The following GFOD1 variants were observed in gnomAD, a reference collection of about 807,000 sequenced individuals.
GFOD1 encodes the protein Gfo/Idh/MocA-like oxidoreductase domain containing 1, also known as glucose-fructose oxidoreductase domain-containing protein 1.
In GFOD1, 9 loss-of-function variants were observed where a neutral mutation model predicts 25.4. The ratio of observed to expected loss-of-function variants is 0.35; its 90% CI spans 0.21 to 0.62. The LOEUF is 0.62. Ranked by LOEUF, GFOD1 falls within the 20% of genes least tolerant of loss-of-function variation. GFOD1 has a pLI of 0.72. For missense variants in GFOD1, 403 were observed against 556.9 expected, an observed-to-expected ratio of 0.72 and a Z score of 2.78; for synonymous variants, 253 against 245.6, an observed-to-expected ratio of 1.03 and a Z score of -0.28.
chr6:13,452,353 C>T (rs1032516289), intron 1 of GFOD1, among the ~76,000 whole-genome samples: 1 of 151,526 alleles, frequency 6.6e-6, no homozygotes, highest in African/African-American at 2.4e-5. Flanking sequence ...TTCTTAGGAA[C>T]CACACACTTG....
In GFOD1 at chr6:13,405,435, G is replaced by C. The variant is rs376397096; in HGVS notation, c.254-39773C>G. ...CAGTATAAACATTTCTCTTTCAAAC[G>C]AAGTATTTGAAACCCAGTGTATGTT... On this transcript the variant is annotated intron_variant, in intron 1 of 1. Coordinates refer to ENST00000379287, the MANE Select transcript of GFOD1 (RefSeq NM_018988.4). Among the ~76,000 whole-genome samples the C allele has an allele frequency of 2.0e-5, 3 of 152,136 alleles. No individual in the cohort carries two copies. The South Asian group carries it at 6.2e-4, about 31-fold the overall frequency.
intron 1 of GFOD1, among the ~76,000 whole-genome samples, chr6:13,459,296 C>CT (rs1758249136): frequency 6.8e-6 from 1 of 146,036 alleles, no homozygotes; most frequent in Non-Finnish European, 1.5e-5. Flanking sequence ...GGAAAACTGG[C>CT]TAGCCATATG....
At chr6:13,435,562 G>C (rs4715292) in intron 1 of GFOD1, among the ~76,000 whole-genome samples, 151,913 of 152,342 alleles carry the variant, frequency 1, 75,744 homozygotes, top group Middle Eastern at 1. Context: ...AGTAAGACCC[G>C]CAGTACATCC....
At chr6:13,371,953 T>C (rs2127556053) in intron 1 of GFOD1, among the ~76,000 whole-genome samples, 1 of 152,338 alleles carries the variant, frequency 6.6e-6, no homozygotes, top group East Asian at 1.9e-4. Flanking sequence ...ACACGAGGAC[T>C]GGCCTGAGTC....
chr6:13,406,041 A>G (rs1026669601), intron 1 of GFOD1, among the ~76,000 whole-genome samples: 7 of 152,184 alleles, frequency 4.6e-5, no homozygotes, highest in Admixed American at 2.6e-4. Flanking sequence ...TCTAAAGAAC[A>G]GGCCTCCCGC....
At chr6:13,390,789 A>G (rs1205925897) in intron 1 of GFOD1, among the ~76,000 whole-genome samples, 1 of 138,390 alleles carries the variant, frequency 7.2e-6, no homozygotes, top group African/African-American at 3.0e-5. Flanking sequence ...GAAAGGAAGG[A>G]AGGAAGGAAG....
rs778118821 is a variant in GFOD1 at position 13,364,751 on chromosome 6, A to G, written c.1165T>C (p.Tyr389His). ...EAMRRSRMSLYC is the reference protein window; with the variant it reads ...EAMRRSRMSLHC ...GAGGTTCTCAATCTGTGCTAACAGTAGAGGGACATCCTGCTGCGGCGCATG... is the reference window on the plus strand; with the variant it reads ...GAGGTTCTCAATCTGTGCTAACAGTGGAGGGACATCCTGCTGCGGCGCATG... Residue 389 changes from tyrosine to histidine, a missense_variant, in exon 2 of 2, where the codon TAC becomes CAC. Transcript: ENST00000379287. The surrounding 1 kb of genome is among the most constrained non-coding windows in gnomAD (Gnocchi z 4.1). The G allele has an allele frequency of 5.6e-6, 9 of 1,611,890 alleles. No individual in the cohort carries two copies. Among genetic ancestry groups the G allele is most frequent in the Non-Finnish European group, 7.6e-6 (9 of 1,179,166 alleles).
chr6:13,407,058 T>C (rs983230711), intron 1 of GFOD1, among the ~76,000 whole-genome samples: 1 of 152,142 alleles, frequency 6.6e-6, no homozygotes, highest in Non-Finnish European at 1.5e-5. Flanking sequence ...CTTTCCATGG[T>C]GCACCCTCCA....
At chr6:13,476,209 G>T (rs1007366835) in intron 1 of GFOD1, among the ~76,000 whole-genome samples, 12 of 152,166 alleles carry the variant, frequency 7.9e-5, no homozygotes, top group Admixed American at 3.3e-4. Flanking sequence ...ATCAGATGGT[G>T]AATGGATAAA....
intron 1 of GFOD1, among the ~76,000 whole-genome samples, chr6:13,440,063 T>C (rs1757890647): frequency 6.6e-6 from 1 of 152,200 alleles, no homozygotes; most frequent in Non-Finnish European, 1.5e-5. Context: ...AAATTAAGAA[T>C]ACTGGATGTT....
intron 1 of GFOD1, among the ~76,000 whole-genome samples, chr6:13,437,844 T>C (rs111290281): frequency 0.025 from 3,857 of 152,322 alleles, 64 homozygotes; most frequent in Middle Eastern, 0.061. Flanking sequence ...AAAGATACTT[T>C]ACTCATTCTT....
chr6:13,379,806 G>A (rs1785323527), intron 1 of GFOD1, among the ~76,000 whole-genome samples: 1 of 152,216 alleles, frequency 6.6e-6, no homozygotes, highest in African/African-American at 2.4e-5. Context: ...ATTTGGACAT[G>A]GAGGAAGCTC....
At chr6:13,418,436 C>T (rs543604571) in intron 1 of GFOD1, among the ~76,000 whole-genome samples, 53 of 152,334 alleles carry the variant, frequency 3.5e-4, no homozygotes, top group Middle Eastern at 3.4e-3. Context: ...AGGGATGATT[C>T]TCCTTGCATG....
At chr6:13,396,468 G>C (rs1460036079) in intron 1 of GFOD1, among the ~76,000 whole-genome samples, 1 of 152,192 alleles carries the variant, frequency 6.6e-6, no homozygotes, top group African/African-American at 2.4e-5. Flanking sequence ...TTTCCTAGGA[G>C]TTGGTGCCAA....
chr6:13,486,925 G>C lies in GFOD1; in HGVS notation c.-35C>G. The stretch of plus-strand genomic sequence containing the variant: ...GAGCCGCCTGGTTCTGCTTCTGCTC[G>C]GATCTCCAGTCCAACGCGCGCACAC... On this transcript the variant is annotated 5_prime_UTR_variant, in exon 1 of 2. Coordinates refer to ENST00000379287, the MANE Select transcript of GFOD1 (RefSeq NM_018988.4). 2 of 1,594,056 alleles carry C rather than the reference G, an allele frequency of 1.3e-6. No individual in the cohort carries two copies. The highest frequency in any genetic ancestry group is 8.5e-7 in the Non-Finnish European group (1 of 1,175,380).
At chr6:13,437,053 C>T (rs541407896) in intron 1 of GFOD1, among the ~76,000 whole-genome samples, 2 of 152,136 alleles carry the variant, frequency 1.3e-5, no homozygotes, top group Admixed American at 1.3e-4. Flanking sequence ...CTCCTAAAAC[C>T]ACTTTCAGAG....
rs140545345 is a variant in GFOD1 at position 13,470,220 on chromosome 6, G to A, written c.253+16418C>T. The A allele has an allele frequency of 6.3e-6, 10 of 1,595,810 alleles. No individual in the cohort carries two copies. In the African/African-American group the frequency reaches 1.2e-4, roughly 19 times the overall value. On this transcript the variant is annotated intron_variant, in intron 1 of 1. Coordinates refer to ENST00000379287, the MANE Select transcript of GFOD1 (RefSeq NM_018988.4). ...TCTATCTGTAATCTTGACTGGGTCT[G>A]GGGACTGGAAAGAAGGGCAATTGCC...
intron 1 of GFOD1, among the ~76,000 whole-genome samples, chr6:13,397,765 C>T (rs1302235508): frequency 2.0e-5 from 3 of 152,196 alleles, no homozygotes; most frequent in Admixed American, 1.3e-4. Flanking sequence ...ACACAGCCCA[C>T]GTGGCATTAT....
At chr6:13,382,443 C>G (rs1057162499) in intron 1 of GFOD1, among the ~76,000 whole-genome samples, 2 of 152,122 alleles carry the variant, frequency 1.3e-5, no homozygotes, top group East Asian at 1.9e-4. Flanking sequence ...TGCACTCACT[C>G]TCTTGCCTGC....
Sources: gnomAD v4.1 joint callset for allele counts (sites outside exome capture counted in the v4.1 genomes callset) on GRCh38, gnomAD v4.1.1 for gene constraint, Gnocchi (gnomAD v3.1) non-coding constraint, MANE v1.5 for transcripts, NCBI Gene and HGNC (gene_info 2026-07-23, HGNC 2026-07-21) for gene names.